The following CPQ variants were observed in gnomAD, a reference collection of about 807,000 sequenced individuals.
The protein encoded by CPQ is carboxypeptidase Q, also known as Ser-Met dipeptidase.
Under a neutral mutation model 45.7 loss-of-function variants are expected in CPQ, and 37 were observed. The ratio of observed to expected loss-of-function variants is 0.81; its 90% confidence interval spans 0.62 to 1.07. The LOEUF is 1.07. CPQ is among the 50% of genes least tolerant of loss of function. CPQ has a pLI of 0.00. For synonymous variants in CPQ, 186 were observed against 205.8 expected (o/e 0.90, Z 0.82); for missense variants, 537 against 572.9 (o/e 0.94, Z 0.64).
intron 6 of CPQ, among the ~76,000 whole-genome samples, chr8:97,050,565 C>CA (rs1184653290): frequency 2.0e-5 from 3 of 152,112 alleles, no homozygotes; most frequent in South Asian, 2.1e-4. Context: ...ACAGGAGATG[C>CA]AAAAAATCAG....
chr8:96,674,946 C>A (rs1809055971), intron 1 of CPQ, among the ~76,000 whole-genome samples: 1 of 151,920 alleles, frequency 6.6e-6, no homozygotes, highest in African/African-American at 2.4e-5. Flanking sequence ...AACACCGATA[C>A]CCTTAAGGGC....
chr8:96,721,284 G>A (rs1809760724), intron 1 of CPQ, among the ~76,000 whole-genome samples: 1 of 151,912 alleles, frequency 6.6e-6, no homozygotes, highest in Admixed American at 6.6e-5. Flanking sequence ...TACTGTGGTT[G>A]GGAGTTGTCC....
chr8:96,677,164 C>T (rs1360708099), intron 1 of CPQ, among the ~76,000 whole-genome samples: 3 of 151,786 alleles, frequency 2.0e-5, no homozygotes, highest in Non-Finnish European at 4.4e-5. Flanking sequence ...TCCTACGTGA[C>T]TTCTTTTCCT....
rs1162961427 is a variant in CPQ at position 97,066,097 on chromosome 8, C to T, written c.1142C>T (p.Ala381Val). Residue 381 changes from alanine to valine, a missense_variant, in exon 7 of 8, where the codon GCC becomes GTC. By Grantham distance (64) the Ala-to-Val change is moderately conservative. Transcript: ENST00000220763. Reference protein sequence around the residue: ...TGLQFTGSEKARAIMEEVMSL... With the variant: ...TGLQFTGSEKVRAIMEEVMSL... ...CTGCAATTCACTGGCAGTGAAAAGG[C>T]CAGGGCCATCATGGAGGAGGTTATG... 1 of 1,612,494 alleles carries T rather than the reference C, an allele frequency of 6.2e-7. No individual in the cohort carries two copies. The highest frequency in any genetic ancestry group is 1.7e-5 in the Admixed American group (1 of 59,844).
chr8:96,947,493 T>G (rs1813206850), intron 4 of CPQ, among the ~76,000 whole-genome samples: 1 of 152,114 alleles, frequency 6.6e-6, no homozygotes, highest in Non-Finnish European at 1.5e-5. Flanking sequence ...AATCAGGAAG[T>G]GTGATGTTTC....
rs116046074 is a variant in CPQ at position 96,661,757 on chromosome 8, G to A, written c.-35+16355G>A. ...ATAAAGCTGCTCTTTACATCCATGT[G>A]CAGGTTTTTGTGTTTACATGTTTTC... On this transcript the variant is annotated intron_variant, in intron 1 of 7. Transcript: ENST00000220763. Among the ~76,000 whole-genome samples the A allele has an allele frequency of 8.1e-3, 1,239 of 152,286 alleles. 9 individuals are homozygous for A. Among genetic ancestry groups the A allele is most frequent in the African/African-American group, 0.024 (999 of 41,566 alleles).
At chr8:96,648,448 A>T (rs971824571) in intron 1 of CPQ, among the ~76,000 whole-genome samples, 4 of 152,184 alleles carry the variant, frequency 2.6e-5, no homozygotes, top group African/African-American at 9.7e-5. Flanking sequence ...CAGTCACATT[A>T]TTAGTTCTTT....
chr8:96,743,676 C>G (rs1246039460), intron 1 of CPQ, among the ~76,000 whole-genome samples: 4 of 152,138 alleles, frequency 2.6e-5, no homozygotes, highest in Admixed American at 2.0e-4. Flanking sequence ...CTTTCTGTTT[C>G]TTAGTTTTCT....
chr8:97,137,351 G>A (rs375453270), intron 7 of CPQ, among the ~76,000 whole-genome samples: 1 of 152,270 alleles, frequency 6.6e-6, no homozygotes, highest in East Asian at 1.9e-4. Flanking sequence ...AGTGTTCCAA[G>A]CTCTGTCTGC....
At chr8:97,053,928 G>C (rs1464741090) in intron 6 of CPQ, among the ~76,000 whole-genome samples, 1 of 152,108 alleles carries the variant, frequency 6.6e-6, no homozygotes, top group Non-Finnish European at 1.5e-5. Flanking sequence ...ATTGCATATG[G>C]AGTATGAGAG....
intron 4 of CPQ, among the ~76,000 whole-genome samples, chr8:96,952,418 G>A (rs1813282102): frequency 6.6e-6 from 1 of 152,040 alleles, no homozygotes; most frequent in Admixed American, 6.6e-5. Flanking sequence ...ATCATTGTAG[G>A]TTTCCTAATG....
At chr8:97,109,489 G>A (rs1027598317) in intron 7 of CPQ, among the ~76,000 whole-genome samples, 53 of 151,970 alleles carry the variant, frequency 3.5e-4, no homozygotes, top group Admixed American at 3.5e-3. Flanking sequence ...GCTTTACCCA[G>A]CCCTCCATCT....
chr8:97,095,834 C>T (rs1586538995), intron 7 of CPQ, among the ~76,000 whole-genome samples: 1 of 151,804 alleles, frequency 6.6e-6, no homozygotes, highest in Admixed American at 6.6e-5. Context: ...GTATCTAAGG[C>T]TGTTTGGTAC....
chr8:96,806,985 A>G (rs1414500223), intron 2 of CPQ, among the ~76,000 whole-genome samples: 1 of 152,230 alleles, frequency 6.6e-6, no homozygotes, highest in Non-Finnish European at 1.5e-5. Context: ...GTACCCACAA[A>G]AATTAAAAGT....
intron 1 of CPQ, among the ~76,000 whole-genome samples, chr8:96,765,955 C>A (rs1810463053): frequency 1.3e-5 from 2 of 152,134 alleles, no homozygotes; most frequent in African/African-American, 4.8e-5. Context: ...GGAGAAAGTC[C>A]TAAACAGAGT....
chr8:96,867,245 A>T (rs747195886), intron 3 of CPQ, among the ~76,000 whole-genome samples: 1 of 152,074 alleles, frequency 6.6e-6, no homozygotes, highest in Non-Finnish European at 1.5e-5. Flanking sequence ...CTTAAACCAG[A>T]TTATTAATTA....
At chr8:96,789,605 T>TC (rs1810820489) in intron 2 of CPQ, among the ~76,000 whole-genome samples, 1 of 152,172 alleles carries the variant, frequency 6.6e-6, no homozygotes, top group Admixed American at 6.5e-5. Flanking sequence ...GTTTGTTTTT[T>TC]CCCCCAACTT....
At chr8:97,026,473 G>A (rs182999865) in intron 5 of CPQ, among the ~76,000 whole-genome samples, 2 of 152,254 alleles carry the variant, frequency 1.3e-5, no homozygotes, top group African/African-American at 4.8e-5. Context: ...GTAGCCTGGG[G>A]ACCTGAACTC....
At chr8:96,995,218 A>T (rs1809157856) in intron 5 of CPQ, among the ~76,000 whole-genome samples, 1 of 152,076 alleles carries the variant, frequency 6.6e-6, no homozygotes, top group African/African-American at 2.4e-5. Context: ...TAATACTTAT[A>T]AGATTGTTGT....
Sources: allele counts gnomAD v4.1 joint callset (sites outside exome capture counted in the v4.1 genomes callset), GRCh38; gene constraint gnomAD v4.1.1; transcripts MANE v1.5; gene names NCBI Gene and HGNC (gene_info 2026-07-23, HGNC 2026-07-21).